SGPP2: variants seen among roughly 807,000 people sequenced by gnomAD.
SGPP2 encodes sphingosine-1-phosphate phosphatase 2, also known as sphingosine 1-phosphate phosphohydrolase 2.
In SGPP2, 30 loss-of-function variants were observed where a neutral mutation model predicts 33.9. The observed-to-expected ratio is 0.89, with a 90% CI of 0.66 to 1.20. The LOEUF is 1.20. Ranked by LOEUF, SGPP2 falls within the 50% of genes most tolerant of loss-of-function variation. The probability of loss-of-function intolerance (pLI) is 0.00; values close to 1 mark genes in which losing one functional copy is unlikely to be tolerated. For missense variants in SGPP2, 458 were observed against 532.1 expected (o/e 0.86, Z 1.37); for synonymous variants, 233 against 225.0 (o/e 1.04, Z -0.32).
intron 1 of SGPP2, among the ~76,000 whole-genome samples, chr2:222,442,685 A>G (rs181468418): frequency 3.9e-5 from 6 of 152,374 alleles, no homozygotes; most frequent in Admixed American, 3.9e-4. Flanking sequence ...AGAATCTAAA[A>G]TGCTTTTTAA....
chr2:222,453,033 A>T, intron 1 of SGPP2: 2 of 1,558,642 alleles, frequency 1.3e-6, no homozygotes, highest in Non-Finnish European at 1.8e-6. Flanking sequence ...CTTGACTGGG[A>T]CCTTGTCTTC....
upstream of SGPP2, chr2:222,424,415 A>T (rs896771430): frequency 1.6e-4 from 33 of 205,564 alleles, no homozygotes; most frequent in Admixed American, 1.7e-3. Flanking sequence ...GCGTTGCGCA[A>T]GGTGGAGGCA....
intron 2 of SGPP2, among the ~76,000 whole-genome samples, chr2:222,519,687 CCA>C (rs1459123651): frequency 1.3e-5 from 2 of 152,192 alleles, no homozygotes; most frequent in Non-Finnish European, 1.5e-5. Context: ...GTCTAGTGGT[CCA>C]CAGTGTCTGT....
At chr2:222,489,023 C>T (rs550005568) in intron 2 of SGPP2, among the ~76,000 whole-genome samples, 1 of 152,120 alleles carries the variant, frequency 6.6e-6, no homozygotes, top group Non-Finnish European at 1.5e-5. Context: ...TAGCAAGTTG[C>T]GAGCAGCAGT....
At chr2:222,529,578 G>A (rs552843816) in intron 4 of SGPP2, among the ~76,000 whole-genome samples, 101 of 152,082 alleles carry the variant, frequency 6.6e-4, no homozygotes, top group African/African-American at 1.8e-3. Flanking sequence ...GAAGTGATCC[G>A]TCCACCTTGG....
At chr2:222,498,878 T>G (rs887074073) in intron 2 of SGPP2, among the ~76,000 whole-genome samples, 10 of 152,174 alleles carry the variant, frequency 6.6e-5, no homozygotes, top group African/African-American at 2.4e-4. Context: ...CTATTTAAAT[T>G]GTTTATGGTG....
intron 4 of SGPP2, among the ~76,000 whole-genome samples, chr2:222,557,386 C>T (rs1032189601): frequency 2.6e-5 from 4 of 152,170 alleles, no homozygotes; most frequent in African/African-American, 9.7e-5. Flanking sequence ...GTGATTATTT[C>T]TAAGATCTAA....
At chr2:222,492,569 C>T (rs565042558) in intron 2 of SGPP2, among the ~76,000 whole-genome samples, 3 of 152,340 alleles carry the variant, frequency 2.0e-5, no homozygotes, top group African/African-American at 7.2e-5. Flanking sequence ...CCGCTTTTTC[C>T]TCCTAGGCCT....
At chr2:222,452,754 C>CA (rs1697511748) in intron 1 of SGPP2, 21 of 1,436,026 alleles carry the variant, frequency 1.5e-5, no homozygotes, top group Non-Finnish European at 2.1e-5. Context: ...GTTCACCAGG[C>CA]ATTCCTGGTG....
intron 1 of SGPP2, among the ~76,000 whole-genome samples, chr2:222,463,180 T>C (rs916341149): frequency 2.0e-5 from 3 of 152,184 alleles, no homozygotes; most frequent in Non-Finnish European, 4.4e-5. Context: ...CCCCACTTAG[T>C]CTATTCCATC....
intron 4 of SGPP2, among the ~76,000 whole-genome samples, chr2:222,528,452 T>C (rs1013063536): frequency 6.6e-5 from 10 of 152,326 alleles, no homozygotes; most frequent in African/African-American, 2.2e-4. Flanking sequence ...GCAATGTACA[T>C]ATAATATCTT....
chr2:222,446,591 A>G (rs888779553), intron 1 of SGPP2, among the ~76,000 whole-genome samples: 1 of 152,248 alleles, frequency 6.6e-6, no homozygotes, highest in Non-Finnish European at 1.5e-5. Flanking sequence ...GTTCCACATC[A>G]ATAAACATTC....
intron 2 of SGPP2, among the ~76,000 whole-genome samples, chr2:222,498,111 G>T (rs1698309236): frequency 6.6e-6 from 1 of 152,124 alleles, no homozygotes; most frequent in Non-Finnish European, 1.5e-5. Flanking sequence ...TTTTGTGATT[G>T]CAGAGAGTGT....
chr2:222,461,351 G>A (rs1414275217), intron 1 of SGPP2, among the ~76,000 whole-genome samples: 4 of 152,116 alleles, frequency 2.6e-5, no homozygotes, highest in Non-Finnish European at 5.9e-5. Context: ...GGCTGGTGAT[G>A]ACACCCAGAG....
Position 222,525,027 on chromosome 2 carries a change from G to A in SGPP2, c.642G>A (p.Thr214=), listed in dbSNP as rs756863511. Residue 214 remains threonine (T), a synonymous_variant, in exon 4 of 5, where the codon ACG becomes ACA. Transcript: ENST00000321276. ...GCAGGCTCTACACTGGGATGCATAC[G>A]GTCCTGGTAAGGCTTTGTGGTCAGG... ...CLSRLYTGMH[T]VLDVLGGVLI... The A allele has an allele frequency of 1.6e-5, 26 of 1,613,566 alleles. No individual in the cohort carries two copies. The African/African-American group carries it at 2.7e-4, about 17-fold the overall frequency.
intron 1 of SGPP2, among the ~76,000 whole-genome samples, chr2:222,447,494 G>A (rs541201163): frequency 6.6e-6 from 1 of 152,154 alleles, no homozygotes; most frequent in Non-Finnish European, 1.5e-5. Flanking sequence ...ACGAGGTTTT[G>A]TTGGGGCAGT....
chr2:222,491,247 G>A (rs999121759), intron 2 of SGPP2, among the ~76,000 whole-genome samples: 1 of 152,096 alleles, frequency 6.6e-6, no homozygotes, highest in African/African-American at 2.4e-5. Flanking sequence ...AAATCCCCCT[G>A]CCTCAGCTTC....
At chr2:222,475,034 A>G (rs1697909907) in intron 2 of SGPP2, among the ~76,000 whole-genome samples, 1 of 152,150 alleles carries the variant, frequency 6.6e-6, no homozygotes, top group South Asian at 2.1e-4. Flanking sequence ...CATTAGTCTT[A>G]CAAAGGTGGT....
rs1689544791 is a variant in SGPP2 at position 222,561,692 on chromosome 2, G to T, written c.*2794G>T. Among the ~76,000 whole-genome samples the T allele has an allele frequency of 6.6e-6, 1 of 152,022 alleles. No individual in the cohort carries two copies. Among genetic ancestry groups the T allele is most frequent in the East Asian group, 1.9e-4 (1 of 5,192 alleles). On this transcript the variant is annotated 3_prime_UTR_variant, in exon 5 of 5. Transcript: ENST00000321276. ...TATCAGCCACAGCACATTAAAGAAT[G>T]AGCCAAGGATTTGTCATGGTTGGTC...
Sources: gnomAD v4.1 joint callset for allele counts (sites outside exome capture counted in the v4.1 genomes callset) on GRCh38, gnomAD v4.1.1 for gene constraint, MANE v1.5 for transcripts, NCBI Gene and HGNC (gene_info 2026-07-23, HGNC 2026-07-21) for gene names.